DPYD: variants seen among roughly 807,000 people sequenced by gnomAD.
DPYD encodes dihydropyrimidine dehydrogenase [NADP(+)].
A neutral mutation model predicts 116.2 loss-of-function variants in DPYD; 109 were observed. The observed-to-expected ratio is 0.94, with a 90% CI of 0.80 to 1.10. The LOEUF (loss-of-function observed/expected upper bound fraction) is 1.10, where lower values mean the gene tolerates loss of function less well. DPYD is among the 50% of genes least tolerant of loss of function. The pLI, the probability that DPYD is intolerant of heterozygous loss-of-function variation, is 0.00. For missense variants in DPYD, 1,302 were observed against 1,254.5 expected, an observed-to-expected ratio of 1.04 and a Z score of -0.57; for synonymous variants, 440 against 432.0, an observed-to-expected ratio of 1.02 and a Z score of -0.23.
rs866578079 is a variant in DPYD at position 97,428,593 on chromosome 1, G to T, written c.1905+21466C>A. Among the ~76,000 whole-genome samples, 5 of 152,076 alleles carry T rather than the reference G, an allele frequency of 3.3e-5. No individual in the cohort carries two copies. In the South Asian group the frequency reaches 8.3e-4, roughly 25 times the overall value. On this transcript the variant is annotated intron_variant, in intron 14 of 22. Coordinates refer to ENST00000370192, the MANE Select transcript of DPYD (RefSeq NM_000110.4). Reference sequence around the variant, plus strand: ...TAACCGGGAGATCCTATGCTAGTAGGCAGCTAAGACTAAGAAATTCAATCA... The same window carrying T: ...TAACCGGGAGATCCTATGCTAGTAGTCAGCTAAGACTAAGAAATTCAATCA...
intron 3 of DPYD, among the ~76,000 whole-genome samples, chr1:97,769,507 T>C (rs1210169481): frequency 1.3e-5 from 2 of 152,160 alleles, no homozygotes; most frequent in Non-Finnish European, 2.9e-5. Context: ...AACACTCTGT[T>C]TTTTAGATTA....
chr1:97,811,654 C>A (rs983813406), intron 3 of DPYD, among the ~76,000 whole-genome samples: 2 of 152,040 alleles, frequency 1.3e-5, no homozygotes, highest in African/African-American at 4.8e-5. Flanking sequence ...AATCAGTATT[C>A]TTAATTCCAT....
intron 8 of DPYD, among the ~76,000 whole-genome samples, chr1:97,646,728 C>A (rs1159898873): frequency 1.3e-5 from 2 of 151,958 alleles, no homozygotes; most frequent in Non-Finnish European, 2.9e-5. Context: ...ATGTAATGAG[C>A]TAACTTTGCT....
At chr1:97,882,978 A>G (rs1672304097) in intron 2 of DPYD, among the ~76,000 whole-genome samples, 1 of 152,088 alleles carries the variant, frequency 6.6e-6, no homozygotes, top group African/African-American at 2.4e-5. Flanking sequence ...CAGGTTGCAT[A>G]TCCCTTATCA....
Position 97,242,128 on chromosome 1 carries a change from A to G in DPYD, c.2300-7134T>C, listed in dbSNP as rs1333375255. Among the ~76,000 whole-genome samples the G allele has an allele frequency of 3.0e-3, 97 of 32,134 alleles. 1 individual carries two copies. Among genetic ancestry groups the G allele is most frequent in the Non-Finnish European group, 4.5e-3 (82 of 18,146 alleles). 21.1% of individuals were successfully genotyped at this position (32,134 alleles called of 152,430 possible). ...TTGCAACGTGTGTGTGCGTGTGTAT[A>G]TATATATATATATATATATATATAT... On this transcript the variant is annotated intron_variant, in intron 18 of 22. Coordinates refer to ENST00000370192, the MANE Select transcript of DPYD (RefSeq NM_000110.4).
intron 20 of DPYD, among the ~76,000 whole-genome samples, chr1:97,180,863 C>T (rs76370325): frequency 0.11 from 17,379 of 151,914 alleles, 1,274 homozygotes; most frequent in East Asian, 0.39. Context: ...TGTATAAGCA[C>T]GATGGACAAG....
intron 13 of DPYD, among the ~76,000 whole-genome samples, chr1:97,485,853 G>A (rs1678604257): frequency 6.6e-6 from 1 of 151,898 alleles, no homozygotes; most frequent in Non-Finnish European, 1.5e-5. Flanking sequence ...ATATTTTGTT[G>A]GTATCCTTTA....
intron 5 of DPYD, chr1:97,700,295 C>T (rs563048413): frequency 1.5e-4 from 67 of 455,710 alleles, no homozygotes; most frequent in Admixed American, 6.6e-4. Context: ...ATGTAGGAGG[C>T]CATTAACCTA....
chr1:97,548,567 T>C (rs1423649904), intron 12 of DPYD, among the ~76,000 whole-genome samples: 1 of 151,894 alleles, frequency 6.6e-6, no homozygotes, highest in African/African-American at 2.4e-5. Flanking sequence ...TGAAACCCCA[T>C]CTCTACTAAA....
intron 8 of DPYD, among the ~76,000 whole-genome samples, chr1:97,623,238 C>T (rs1656729327): frequency 6.6e-6 from 1 of 151,850 alleles, no homozygotes. Flanking sequence ...GTGTCCCCCA[C>T]AAAAAAGCAA....
At chr1:97,911,772 A>G (rs1298552315) in intron 1 of DPYD, among the ~76,000 whole-genome samples, 1 of 152,068 alleles carries the variant, frequency 6.6e-6, no homozygotes, top group Non-Finnish European at 1.5e-5. Flanking sequence ...CCATCACATA[A>G]TGAGACAGCT....
At chr1:97,416,843 C>A (rs998905483) in intron 14 of DPYD, among the ~76,000 whole-genome samples, 4 of 152,120 alleles carry the variant, frequency 2.6e-5, no homozygotes, top group Non-Finnish European at 5.9e-5. Context: ...TTTAGGTAGA[C>A]CTTCGCTTCA....
intron 8 of DPYD, among the ~76,000 whole-genome samples, chr1:97,612,122 A>G (rs190573222): frequency 6.6e-6 from 1 of 152,140 alleles, no homozygotes; most frequent in Admixed American, 6.6e-5. Context: ...ATTAAGTGGT[A>G]TTAAAAGTAG....
intron 13 of DPYD, among the ~76,000 whole-genome samples, chr1:97,496,656 T>C (rs1679282502): frequency 6.6e-6 from 1 of 152,014 alleles, no homozygotes; most frequent in Non-Finnish European, 1.5e-5. Flanking sequence ...TTCTCTATTC[T>C]TTGGACAGGC....
At position 97,327,838 on chromosome 1, in the gene DPYD, A is replaced by T. The variant is rs576942217; in HGVS notation, c.2059-21541T>A. Among the ~76,000 whole-genome samples, 124 of 152,128 alleles carry T rather than the reference A, an allele frequency of 8.2e-4. 1 individual carries two copies. Among genetic ancestry groups the T allele is most frequent in the African/African-American group, 2.8e-3 (118 of 41,538 alleles). On this transcript the variant is annotated intron_variant, in intron 16 of 22. Transcript: ENST00000370192. The stretch of plus-strand genomic sequence containing the variant: ...ATAACATGGCACTAAATCTCTTCTA[A>T]TAGGTGGTGCTCATACATTGCCTTG...
At position 97,773,083 on chromosome 1, in the gene DPYD, T is replaced by A. The variant is rs1214065385; in HGVS notation, c.234-32604A>T. On this transcript the variant is annotated intron_variant, in intron 3 of 22. Transcript: ENST00000370192. Reference sequence around the variant, plus strand: ...GAGCCCTATGGAAGAAGTGTGAGTTTTATTCTATCTCTAACAATGGCTCTG... The same window carrying A: ...GAGCCCTATGGAAGAAGTGTGAGTTATATTCTATCTCTAACAATGGCTCTG... 2.6e-5 allele frequency among the ~76,000 whole-genome samples: 4 copies of A among 152,324 alleles called. No homozygotes were observed. The East Asian group carries it at 5.8e-4, about 22-fold the overall frequency.
chr1:97,859,992 T>C (rs1248683118), intron 2 of DPYD, among the ~76,000 whole-genome samples: 3 of 151,950 alleles, frequency 2.0e-5, no homozygotes. Context: ...TTTCCATATT[T>C]TTCTCTGATA....
intron 18 of DPYD, among the ~76,000 whole-genome samples, chr1:97,296,834 T>C (rs1391478714): frequency 6.6e-6 from 1 of 152,144 alleles, no homozygotes; most frequent in Non-Finnish European, 1.5e-5. Context: ...GAGGCAAAAC[T>C]TCCCACTATT....
rs191334364 is a variant in DPYD at position 97,424,038 on chromosome 1, G to A, written c.1905+26021C>T. ...ACACATCTGTTTGTCTTTTTATGTA[G>A]AACTTTCTTAGTATATAATGGTATT... On this transcript the variant is annotated intron_variant, in intron 14 of 22. Coordinates refer to ENST00000370192, the MANE Select transcript of DPYD (RefSeq NM_000110.4). Among the ~76,000 whole-genome samples the A allele has an allele frequency of 2.4e-3, 364 of 152,038 alleles. 3 individuals carry two copies. Among genetic ancestry groups the A allele is most frequent in the African/African-American group, 8.3e-3 (346 of 41,502 alleles).
Sources: allele counts gnomAD v4.1 joint callset (sites outside exome capture counted in the v4.1 genomes callset), GRCh38; gene constraint gnomAD v4.1.1; transcripts MANE v1.5; gene names NCBI Gene and HGNC (gene_info 2026-07-23, HGNC 2026-07-21).